Variants in ARMCX4 observed in about 807,000 individuals in gnomAD.
ARMCX4 encodes armadillo repeat-containing X-linked protein 4.
A neutral mutation model predicts 34.7 loss-of-function variants in ARMCX4; 3 were observed. That is an observed-to-expected ratio of 0.09 (90% CI 0.04 to 0.22). The LOEUF is 0.22. Ranked by LOEUF, ARMCX4 falls within the 10% of genes least tolerant of loss-of-function variation. ARMCX4 has a pLI of 1.00. For synonymous variants in ARMCX4, 513 were observed against 632.8 expected (o/e 0.81, Z 2.84); for missense variants, 1,448 against 1,720.8 (o/e 0.84, Z 2.81).
chrX:101,439,543 A>C (rs1343162299), intron 2 of ARMCX4, among the ~76,000 whole-genome samples: 3 of 111,546 alleles, frequency 2.7e-5, no homozygotes, highest in African/African-American at 9.8e-5. Flanking sequence ...GATTGGGGAA[A>C]TTCTCCTGGA....
intron 11 of ARMCX4, among the ~76,000 whole-genome samples, chrX:101,512,674 CTT>C (rs1179990671): frequency 9.2e-6 from 1 of 108,726 alleles, no homozygotes; most frequent in Non-Finnish European, 1.9e-5. Context: ...TCAAGATGGA[CTT>C]GAGATAAATG....
intron 4 of ARMCX4, among the ~76,000 whole-genome samples, chrX:101,459,264 T>A (rs1932491126): frequency 8.9e-6 from 1 of 112,173 alleles, no homozygotes; most frequent in South Asian, 3.7e-4. Context: ...AGGAGCGGGT[T>A]TGAACGACTA....
Position 101,491,149 on chromosome X carries a change from G to A in ARMCX4, c.2560G>A (p.Val854Ile). Residue 854 changes from valine to isoleucine, a missense_variant, in exon 6 of 6, where the codon GTC becomes ATC. Val to Ile is a conservative substitution (Grantham distance 29). This residue lies in a region of ARMCX4 where 1,343 missense variants were observed against 1,540.7 expected (regional missense o/e 0.87). Coordinates refer to ENST00000423738, the MANE Select transcript of ARMCX4 (RefSeq NM_001256155.3). ...AKNKVKGNPN[V>I]VSKAGAREDT... Reference sequence around the variant, plus strand: ...GAATAAGGTCAAGGGCAATCCCAATGTCGTGTCTAAGGCAGGGGCCAGAGA... The same window carrying A: ...GAATAAGGTCAAGGGCAATCCCAATATCGTGTCTAAGGCAGGGGCCAGAGA... 8.6e-7 allele frequency: 1 copy of A among 1,156,481 alleles called. No individual in the cohort carries two copies. The highest frequency in any genetic ancestry group is 1.1e-6 in the Non-Finnish European group (1 of 873,088).
intron 11 of ARMCX4, chrX:101,517,015 C>T (rs1934761100): frequency 8.9e-6 from 1 of 112,051 alleles, no homozygotes; most frequent in Admixed American, 9.5e-5. Context: ...ATACCCGTGG[C>T]AGTAATCTTG....
intron 4 of ARMCX4, among the ~76,000 whole-genome samples, chrX:101,474,950 T>C (rs1299990221): frequency 1.6e-4 from 16 of 101,101 alleles, no homozygotes; most frequent in African/African-American, 5.9e-4. Context: ...GTGTTGGAAG[T>C]TCTGGCCAGG....
intron 2 of ARMCX4, among the ~76,000 whole-genome samples, chrX:101,436,574 A>G (rs1259799599): frequency 3.6e-5 from 4 of 111,526 alleles, no homozygotes; most frequent in Admixed American, 2.9e-4. Flanking sequence ...TAGATATACA[A>G]TCATGTCGTC....
At chrX:101,455,614 A>G (rs1176111751) in intron 4 of ARMCX4, among the ~76,000 whole-genome samples, 1 of 111,729 alleles carries the variant, frequency 9.0e-6, no homozygotes, top group Non-Finnish European at 1.9e-5. Context: ...ATGCTCCTCC[A>G]TGGTTTATTA....
At chrX:101,448,626 T>C (rs1931787524), downstream of ARMCX4, among the ~76,000 whole-genome samples, 2 of 111,797 alleles carry the variant, frequency 1.8e-5, no homozygotes, top group South Asian at 7.5e-4. Context: ...GAAGCCCCAC[T>C]CTGTTGCCCA....
At chrX:101,534,143 C>T (rs1189028818), downstream of ARMCX4, among the ~76,000 whole-genome samples, 1 of 111,907 alleles carries the variant, frequency 8.9e-6, no homozygotes, top group Non-Finnish European at 1.9e-5. Flanking sequence ...CATATCCATT[C>T]ATTCAGTAAA....
At chrX:101,470,933 CT>C (rs1340114429) in intron 4 of ARMCX4, among the ~76,000 whole-genome samples, 1 of 111,968 alleles carries the variant, frequency 8.9e-6, no homozygotes, top group Non-Finnish European at 1.9e-5. Flanking sequence ...TTTTACACCC[CT>C]GATGATAATA....
At chrX:101,459,370 AGGTGCCTG>A (rs1230213874) in intron 4 of ARMCX4, among the ~76,000 whole-genome samples, 7 of 111,989 alleles carry the variant, frequency 6.3e-5, no homozygotes, top group African/African-American at 1.9e-4. Context: ...TGGGGAGGGC[AGGTGCCTG>A]GGTGCCTGGG....
rs781883949 is a variant in ARMCX4, at chrX:101,456,528, G to A, written c.-473+10484G>A. Among the ~76,000 whole-genome samples the A allele has an allele frequency of 9.9e-5, 11 of 110,725 alleles. No individual in the cohort carries two copies. In the East Asian group the frequency reaches 2.8e-3, roughly 28 times the overall value. On this transcript the variant is annotated intron_variant and NMD_transcript_variant, in intron 4 of 15. Coordinates refer to the ARMCX4 transcript ENST00000433011. ...TTAATGGTGTTGTTTTTTGATTGTT[G>A]AATTTTAAAGTACTATAGATATGTA...
rs782064186 is a variant in ARMCX4, at chrX:101,477,818, G to A, written c.-472-8205G>A. ...TTGTCACTACCGTGTGAGGTTTATT[G>A]CAAGAATTCAAAGGTGGTCCAATAT... is the stretch of plus-strand genomic sequence containing the variant. On this transcript the variant is annotated intron_variant and NMD_transcript_variant, in intron 4 of 15. Transcript: ENST00000433011. 8.9e-5 allele frequency among the ~76,000 whole-genome samples: 10 copies of A among 111,737 alleles called. No homozygotes were observed. In the East Asian group the frequency reaches 2.5e-3, roughly 28 times the overall value.
At chrX:101,520,298 TACCCTGGCTAGG>T (rs1556018784) in intron 11 of ARMCX4, among the ~76,000 whole-genome samples, 1 of 112,084 alleles carries the variant, frequency 8.9e-6, no homozygotes, top group African/African-American at 3.2e-5. Context: ...CTTATCCAAT[TACCCTGGCTAGG>T]ACCTCCACTA....
intron 4 of ARMCX4, among the ~76,000 whole-genome samples, chrX:101,461,775 T>C (rs1048498840): frequency 4.5e-5 from 5 of 112,183 alleles, no homozygotes; most frequent in African/African-American, 1.6e-4. Flanking sequence ...ATGGGTGTGA[T>C]TTATTATTTA....
At chrX:101,505,999 T>G (rs571072331) in intron 8 of ARMCX4, among the ~76,000 whole-genome samples, 37 of 111,494 alleles carry the variant, frequency 3.3e-4, no homozygotes, top group Middle Eastern at 9.3e-3. Context: ...CTGTCATCAC[T>G]CCCGGCTAAT....
chrX:101,487,516 C>A, intron 3 of ARMCX4, 92 bp from the exon 4 acceptor site: 1 of 358,261 alleles, frequency 2.8e-6, no homozygotes, highest in South Asian at 3.2e-5. Context: ...TGGGCTCTGG[C>A]GAGGCAGACA....
chrX:101,499,595 C>G (rs1343971821), downstream of ARMCX4, among the ~76,000 whole-genome samples: 1 of 111,762 alleles, frequency 8.9e-6, no homozygotes, highest in Non-Finnish European at 1.9e-5. Context: ...AATGATGATG[C>G]CTCTGAAACA....
rs189672375 is a variant in ARMCX4, at chrX:101,426,227, A to T, written n.164+7227A>T. 1.3e-4 allele frequency among the ~76,000 whole-genome samples: 14 copies of T among 111,650 alleles called. No individual in the cohort carries two copies. In the East Asian group the frequency reaches 3.9e-3, roughly 31 times the overall value. On this transcript the variant is annotated intron_variant and non_coding_transcript_variant, in intron 2 of 3. Coordinates refer to the ARMCX4 transcript ENST00000430461. ...ATACAGCAGAGAGATGGGATAAATC[A>T]TAGAGTACGTTTGCTAAGAGAGAGG...
Sources: gnomAD v4.1 joint callset for allele counts (sites outside exome capture counted in the v4.1 genomes callset) on GRCh38, gnomAD v4.1.1 for gene constraint, gnomAD v4.1.1 regional missense constraint, MANE v1.5 for transcripts, NCBI Gene and HGNC (gene_info 2026-07-23, HGNC 2026-07-21) for gene names.